The following TMPRSS13 variants were observed in gnomAD, a reference collection of about 807,000 sequenced individuals.
TMPRSS13 encodes the protein transmembrane protease serine 13.
Under a neutral mutation model 68.4 loss-of-function variants are expected in TMPRSS13, and 50 were observed. The observed-to-expected ratio is 0.73, with a 90% CI of 0.58 to 0.93. The LOEUF (loss-of-function observed/expected upper bound fraction) is 0.93. Among genes scored for constraint, TMPRSS13 ranks in the 40% least tolerant of loss-of-function variants. The pLI, the probability that TMPRSS13 is intolerant of heterozygous loss-of-function variation, is 0.00. For missense variants in TMPRSS13, 615 were observed against 729.2 expected, an observed-to-expected ratio of 0.84 and a Z score of 1.80; for synonymous variants, 267 against 285.8, an observed-to-expected ratio of 0.93 and a Z score of 0.66.
intron 1 of TMPRSS13, among the ~76,000 whole-genome samples, chr11:117,923,014 G>T (rs1037809823): frequency 1.3e-5 from 2 of 152,224 alleles, no homozygotes; most frequent in East Asian, 1.9e-4. Flanking sequence ...GCAGGGGTCC[G>T]CAGGAAAGCG....
At chr11:117,910,802 C>A in intron 6 of TMPRSS13, 52 bp from the exon 7 acceptor site, 2 of 1,538,010 alleles carry the variant, frequency 1.3e-6, no homozygotes, top group Non-Finnish European at 8.9e-7. Flanking sequence ...CTACCTCCTC[C>A]AGGAAGCCTT....
intron 1 of TMPRSS13, among the ~76,000 whole-genome samples, chr11:117,925,198 C>T (rs2057693568): frequency 6.6e-6 from 1 of 152,208 alleles, no homozygotes; most frequent in African/African-American, 2.4e-5. Context: ...ACAGAGAAGA[C>T]CGACCTTTCA....
chr11:117,927,125 AC>A lies in TMPRSS13; in HGVS notation c.21+2161del, dbSNP rs1445913786. 4.6e-5 allele frequency among the ~76,000 whole-genome samples: 7 copies of A among 152,282 alleles called. 1 individual carries two copies. The East Asian group carries it at 1.2e-3, about 25-fold the overall frequency. ...AATTTTGCACAATCAAAGGCAGCCAACTGTTCAAACAGTGTTCAAATAAGGC... is the reference window on the plus strand; with the variant it reads ...AATTTTGCACAATCAAAGGCAGCCAATGTTCAAACAGTGTTCAAATAAGGC... On this transcript the variant is annotated intron_variant, in intron 1 of 12. Transcript: ENST00000524993.
intron 1 of TMPRSS13, among the ~76,000 whole-genome samples, chr11:117,928,862 G>A (rs1480349010): frequency 1.3e-5 from 2 of 152,150 alleles, no homozygotes; most frequent in Admixed American, 1.3e-4. Context: ...GTGTAGTGAG[G>A]GGTTTAGACA....
Position 117,914,657 on chromosome 11 carries a change from G to A in TMPRSS13, c.557-143C>T. 1 of 1,439,326 alleles carries A rather than the reference G, an allele frequency of 6.9e-7. No homozygotes were observed. The highest frequency in any genetic ancestry group is 9.3e-7 in the Non-Finnish European group (1 of 1,071,788). 89.2% of individuals were successfully genotyped at this position (1,439,326 alleles called of 1,614,324 possible). On this transcript the variant is annotated intron_variant, in intron 3 of 12. Transcript: ENST00000524993. This position sits in a 1 kb window ranked among gnomAD's most constrained non-coding sequence, Gnocchi z 4.2. The stretch of plus-strand genomic sequence containing the variant: ...GGCTCTCATCCCCCATCTGTATGGA[G>A]AGAAAGGCTGCTCAGGAATGCTCCA...
chr11:117,921,961 C>T (rs2057653140), intron 1 of TMPRSS13, among the ~76,000 whole-genome samples: 1 of 152,216 alleles, frequency 6.6e-6, no homozygotes, highest in Non-Finnish European at 1.5e-5. Context: ...TCAACCCAAA[C>T]CCTCCCAGAC....
chr11:117,903,806 C>T lies in TMPRSS13; in HGVS notation c.1526G>A (p.Gly509Glu). 6.2e-7 allele frequency: 1 copy of T among 1,609,920 alleles called. No individual in the cohort carries two copies. The highest frequency in any genetic ancestry group is 2.2e-5 in the East Asian group (1 of 44,772). Residue 509 changes from glycine to glutamate, a missense_variant and splice_region_variant, in exon 12 of 13, where the codon GGA becomes GAA. Physicochemically the swap from Gly to Glu is moderately conservative, Grantham distance 98. Coordinates refer to ENST00000524993, the MANE Select transcript of TMPRSS13 (RefSeq NM_001077263.3). ...DLRGGRDSCQ[G>E]DSGGPLVCEQ... is the part of the protein sequence containing the mutation. ...ACAGACAAGAGGCCCCCCGCTGTCT[C>T]CCTGCAGGGGAGAGGGGGCACATTC...
intron 1 of TMPRSS13, among the ~76,000 whole-genome samples, chr11:117,923,087 C>T (rs868361755): frequency 2.6e-5 from 4 of 152,296 alleles, no homozygotes; most frequent in Non-Finnish European, 5.9e-5. Context: ...CTTTCCAAAG[C>T]CTGTCCCTGG....
Position 117,912,877 on chromosome 11 carries a change from G to A in TMPRSS13, c.809+900C>T, listed in dbSNP as rs77998935. ...AGCTCAATGAATATTCTTTGAATAA[G>A]TGACATTCAAAGACCTGAATACCTA... On this transcript the variant is annotated intron_variant, in intron 5 of 12. Coordinates refer to ENST00000524993, the MANE Select transcript of TMPRSS13 (RefSeq NM_001077263.3). Among the ~76,000 whole-genome samples the A allele has an allele frequency of 9.0e-3, 1,364 of 152,306 alleles. 9 individuals carry two copies. Among genetic ancestry groups the A allele is most frequent in the Non-Finnish European group, 0.012 (830 of 68,014 alleles).
chr11:117,913,406 G>A (rs1341472977), intron 5 of TMPRSS13, among the ~76,000 whole-genome samples: 1 of 152,180 alleles, frequency 6.6e-6, no homozygotes. Flanking sequence ...TGCACAACCT[G>A]AGCTTCTAGT....
intron 1 of TMPRSS13, among the ~76,000 whole-genome samples, chr11:117,926,648 T>C (rs554793494): frequency 6.6e-6 from 1 of 152,324 alleles, no homozygotes; most frequent in African/African-American, 2.4e-5. Context: ...AAAATACGCA[T>C]TGTCAAGAAC....
intron 10 of TMPRSS13, among the ~76,000 whole-genome samples, chr11:117,904,782 C>T (rs1283035965): frequency 6.7e-6 from 1 of 149,198 alleles, no homozygotes; most frequent in Non-Finnish European, 1.5e-5. Context: ...GTGCAAACCA[C>T]AACAGTACCA....
At chr11:117,903,934 G>C (rs866668497) in intron 11 of TMPRSS13, 25 bp downstream of exon 11, 1 of 1,607,700 alleles carries the variant, frequency 6.2e-7, no homozygotes, top group African/African-American at 1.3e-5. Context: ...GCTGGGACCT[G>C]AGCCCCACCC....
At chr11:117,904,356 C>T (rs1490058906) in intron 10 of TMPRSS13, among the ~76,000 whole-genome samples, 3 of 152,252 alleles carry the variant, frequency 2.0e-5, no homozygotes, top group Admixed American at 2.0e-4. Flanking sequence ...CACAGACACA[C>T]TCACAAGCCT....
chr11:117,923,541 C>T (rs1168130840), intron 1 of TMPRSS13, among the ~76,000 whole-genome samples: 1 of 152,140 alleles, frequency 6.6e-6, no homozygotes, highest in Non-Finnish European at 1.5e-5. Context: ...CCATAAGCAG[C>T]AGCCTGAACT....
intron 9 of TMPRSS13, among the ~76,000 whole-genome samples, chr11:117,906,536 A>G (rs192053011): frequency 2.3e-4 from 35 of 152,362 alleles, no homozygotes; most frequent in African/African-American, 7.5e-4. Context: ...TAAGTGCTCA[A>G]TAAATGTTTA....
intron 3 of TMPRSS13, 105 bp downstream of exon 3, chr11:117,917,065 G>A (rs1163461280): frequency 1.5e-5 from 14 of 911,512 alleles, no homozygotes; most frequent in Non-Finnish European, 2.2e-5. Context: ...GTAGCCGGGT[G>A]AGTGGGTGCT....
chr11:117,910,841 C>T, intron 6 of TMPRSS13, 91 bp from the exon 7 acceptor site: 1 of 1,230,942 alleles, frequency 8.1e-7, no homozygotes, highest in Non-Finnish European at 1.1e-6. Context: ...AGTTCCTATC[C>T]TGTTTCCAAG....
Position 117,917,612 on chromosome 11 carries a change from G to A in TMPRSS13, c.452-338C>T, listed in dbSNP as rs145629100. On this transcript the variant is annotated intron_variant, in intron 2 of 12. Coordinates refer to ENST00000524993, the MANE Select transcript of TMPRSS13 (RefSeq NM_001077263.3). ...GCCCCTTTCTATAGATGGGGAAACT[G>A]AGGTTCGTGGAAGTGAAATCACTTG... Among the ~76,000 whole-genome samples the A allele has an allele frequency of 5.3e-3, 804 of 152,318 alleles. 3 individuals are homozygous for A. The highest frequency in any genetic ancestry group is 0.018 in the African/African-American group (745 of 41,562).
Sources: allele counts gnomAD v4.1 joint callset (sites outside exome capture counted in the v4.1 genomes callset), GRCh38; gene constraint gnomAD v4.1.1; non-coding constraint Gnocchi (gnomAD v3.1); transcripts MANE v1.5; gene names NCBI Gene and HGNC (gene_info 2026-07-23, HGNC 2026-07-21).